NALCN: variants seen among roughly 807,000 people sequenced by gnomAD.
NALCN encodes the protein sodium leak channel NALCN.
In NALCN, 111 loss-of-function variants were observed where a neutral mutation model predicts 225.3. That is an observed-to-expected ratio of 0.49 (90% CI 0.42 to 0.58). The LOEUF (loss-of-function observed/expected upper bound fraction) is 0.58. Among genes scored for constraint, NALCN ranks in the 20% least tolerant of loss-of-function variants. The probability of loss-of-function intolerance (pLI) is 0.00; values close to 1 mark genes in which losing one functional copy is unlikely to be tolerated. For missense variants in NALCN, 1,378 were observed against 2,202.4 expected (o/e 0.63, Z 7.49); for synonymous variants, 764 against 769.0 (o/e 0.99, Z 0.11).
intron 9 of NALCN, among the ~76,000 whole-genome samples, chr13:101,289,123 T>C (rs925943836): frequency 6.6e-6 from 1 of 152,202 alleles, no homozygotes; most frequent in Non-Finnish European, 1.5e-5. Flanking sequence ...CATGGGTGTA[T>C]GAATCACTTA....
Position 101,265,292 on chromosome 13 carries a change from A to G in NALCN, c.1135-6718T>C, listed in dbSNP as rs565709918. On this transcript the variant is annotated intron_variant, in intron 10 of 43. Coordinates refer to ENST00000251127, the MANE Select transcript of NALCN (RefSeq NM_052867.4). ...GGTACCTGACCATAGGGTTCCACAC[A>G]AGGTGACTTGCCAACGTGGGGTCTC... 3.0e-4 allele frequency among the ~76,000 whole-genome samples: 46 copies of G among 152,342 alleles called. 1 individual carries two copies. Among genetic ancestry groups the G allele is most frequent in the Admixed American group, 2.7e-3 (42 of 15,304 alleles).
chr13:101,080,538 A>T, intron 34 of NALCN, among the ~76,000 whole-genome samples: 1 of 127,428 alleles, frequency 7.8e-6, no homozygotes. Context: ...TTATAAGTAT[A>T]TAAATAATAA....
At chr13:101,080,348 ACTC>A (rs1246458347) in intron 34 of NALCN, among the ~76,000 whole-genome samples, 1 of 152,076 alleles carries the variant, frequency 6.6e-6, no homozygotes, top group African/African-American at 2.4e-5. Context: ...TAAGATACAT[ACTC>A]AGCCAAAGAC....
chr13:101,276,195 GT>G (rs1321074967), intron 10 of NALCN, among the ~76,000 whole-genome samples: 4 of 152,020 alleles, frequency 2.6e-5, no homozygotes, highest in Admixed American at 2.0e-4. Context: ...ATGGGAGGGG[GT>G]TTTTCAGGGG....
At chr13:101,225,675 T>G (rs1037887638) in intron 13 of NALCN, among the ~76,000 whole-genome samples, 2 of 152,098 alleles carry the variant, frequency 1.3e-5, no homozygotes, top group East Asian at 3.9e-4. Flanking sequence ...TCTCACTGAG[T>G]GAGGAATGTT....
chr13:101,155,494 G>C (rs1433075750), intron 15 of NALCN, among the ~76,000 whole-genome samples: 1 of 152,154 alleles, frequency 6.6e-6, no homozygotes, highest in Non-Finnish European at 1.5e-5. Context: ...ATTAGACTGA[G>C]CTTATACATT....
intron 6 of NALCN, among the ~76,000 whole-genome samples, chr13:101,347,171 T>C (rs903261890): frequency 7.4e-6 from 1 of 134,614 alleles, no homozygotes; most frequent in Non-Finnish European, 1.6e-5. Flanking sequence ...ACACACCCCA[T>C]GGCTGGTGAT....
chr13:101,257,642 G>A (rs926943185), intron 11 of NALCN, among the ~76,000 whole-genome samples: 3 of 151,804 alleles, frequency 2.0e-5, no homozygotes, highest in South Asian at 2.1e-4. Context: ...TTATTGAAGC[G>A]TTGTACAACT....
intron 34 of NALCN, among the ~76,000 whole-genome samples, chr13:101,078,221 TCCACACACAGAG>T (rs2033386390): frequency 8.9e-5 from 1 of 11,250 alleles, no homozygotes; most frequent in Non-Finnish European, 2.0e-4. Flanking sequence ...GTGGTTGGAG[TCCACACACAGAG>T]TCCACACACA....
At chr13:101,178,735 A>G (rs2139949250) in intron 14 of NALCN, among the ~76,000 whole-genome samples, 1 of 152,310 alleles carries the variant, frequency 6.6e-6, no homozygotes, top group African/African-American at 2.4e-5. Flanking sequence ...TTTAGGATAA[A>G]CTATATTTAA....
At chr13:101,130,319 T>G (rs1338611339) in intron 17 of NALCN, among the ~76,000 whole-genome samples, 1 of 152,200 alleles carries the variant, frequency 6.6e-6, no homozygotes, top group African/African-American at 2.4e-5. Flanking sequence ...TTTGCATATC[T>G]TCTTCCCGTT....
At position 101,364,339 on chromosome 13, in the gene NALCN, A is replaced by G. The variant is rs547447387; in HGVS notation, c.644+12361T>C. On this transcript the variant is annotated intron_variant, in intron 6 of 43. Transcript: ENST00000251127. ...CAACCTAACTGCCCACCAATGGATA[A>G]ATGGATAAAGAAAATGTGATATGTA... is the stretch of plus-strand genomic sequence containing the variant. Among the ~76,000 whole-genome samples, 17 of 152,276 alleles carry G rather than the reference A, an allele frequency of 1.1e-4. No homozygotes were observed. The East Asian group carries it at 1.3e-3, about 12-fold the overall frequency.
intron 28 of NALCN, among the ~76,000 whole-genome samples, chr13:101,094,392 A>G (rs1419778748): frequency 6.6e-6 from 1 of 152,190 alleles, no homozygotes; most frequent in Non-Finnish European, 1.5e-5. Context: ...TAGTGAAGGA[A>G]ATGAAATGCC....
intron 3 of NALCN, among the ~76,000 whole-genome samples, chr13:101,385,478 A>G (rs7985169): frequency 0.19 from 28,691 of 152,082 alleles, 7,159 homozygotes; most frequent in African/African-American, 0.58. Flanking sequence ...GATTCTCATT[A>G]TACTAATATT....
intron 13 of NALCN, among the ~76,000 whole-genome samples, chr13:101,212,656 T>C (rs538580057): frequency 3.3e-5 from 5 of 152,146 alleles, no homozygotes; most frequent in Non-Finnish European, 7.4e-5. Context: ...TTCAGTGGTG[T>C]GGCAGACTGA....
At chr13:101,232,039 A>C (rs1369460868) in intron 12 of NALCN, among the ~76,000 whole-genome samples, 1 of 149,740 alleles carries the variant, frequency 6.7e-6, no homozygotes, top group Non-Finnish European at 1.5e-5. Context: ...CTGCTGTAAG[A>C]GTCACACAAA....
chr13:101,183,376 G>GC (rs747556581), intron 14 of NALCN, among the ~76,000 whole-genome samples: 3 of 152,142 alleles, frequency 2.0e-5, no homozygotes, highest in Non-Finnish European at 2.9e-5. Context: ...TTACCTTTGT[G>GC]TTTTGACTGT....
At chr13:101,113,705 T>C (rs2035559940) in intron 18 of NALCN, among the ~76,000 whole-genome samples, 1 of 152,220 alleles carries the variant, frequency 6.6e-6, no homozygotes. Flanking sequence ...CTGATATAAA[T>C]GGGCTCTGAA....
At chr13:101,390,438 G>C (rs949063993) in intron 3 of NALCN, among the ~76,000 whole-genome samples, 6 of 151,944 alleles carry the variant, frequency 3.9e-5, no homozygotes, top group African/African-American at 4.8e-5. Flanking sequence ...GAAATACATG[G>C]AAAGAAAACA....
Sources: allele counts gnomAD v4.1 joint callset (sites outside exome capture counted in the v4.1 genomes callset), GRCh38; gene constraint gnomAD v4.1.1; transcripts MANE v1.5; gene names NCBI Gene and HGNC (gene_info 2026-07-23, HGNC 2026-07-21).